Variants in FHIT observed in about 807,000 individuals in gnomAD.
FHIT encodes the protein bis(5'-adenosyl)-triphosphatase.
Under a neutral mutation model 17.9 loss-of-function variants are expected in FHIT, and 19 were observed. That is an observed-to-expected ratio of 1.06 (90% CI 0.74 to 1.56). The LOEUF is 1.56. Ranked by LOEUF, FHIT falls within the 40% of genes most tolerant of loss-of-function variation. The pLI, the probability that FHIT is intolerant of heterozygous loss-of-function variation, is 0.00. For missense variants in FHIT, 248 were observed against 189.2 expected (o/e 1.31, Z -1.82); for synonymous variants, 81 against 69.7 (o/e 1.16, Z -0.81).
In FHIT at chr3:60,601,664, G is replaced by A. The variant is rs937881857; in HGVS notation, c.-17-64685C>T. Among the ~76,000 whole-genome samples the A allele has an allele frequency of 4.6e-5, 7 of 152,238 alleles. No individual in the cohort carries two copies. The South Asian group carries it at 8.3e-4, about 18-fold the overall frequency. ...AAACTTACTACCTGAATGAGGAGAG[G>A]GTGGGGAATGGCAGAAAGAAAATAA... On this transcript the variant is annotated intron_variant, in intron 4 of 9. Coordinates refer to ENST00000492590, the MANE Select transcript of FHIT (RefSeq NM_002012.4).
chr3:60,696,343 A>G (rs2041114059), intron 4 of FHIT, among the ~76,000 whole-genome samples: 1 of 152,214 alleles, frequency 6.6e-6, no homozygotes, highest in Admixed American at 6.5e-5. Flanking sequence ...ACGACTTCCC[A>G]TACTTCTTCA....
intron 7 of FHIT, among the ~76,000 whole-genome samples, chr3:59,933,654 A>C (rs1345298604): frequency 6.6e-6 from 1 of 152,156 alleles, no homozygotes; most frequent in East Asian, 1.9e-4. Flanking sequence ...CATATGCCCC[A>C]GTCTGTTTGG....
At chr3:60,182,089 T>C (rs1701964447) in intron 5 of FHIT, among the ~76,000 whole-genome samples, 1 of 152,292 alleles carries the variant, frequency 6.6e-6, no homozygotes, top group East Asian at 1.9e-4. Flanking sequence ...TGAGATAACT[T>C]CTAGGCTGTT....
chr3:60,508,329 C>G (rs1224494395), intron 5 of FHIT, among the ~76,000 whole-genome samples: 2 of 152,110 alleles, frequency 1.3e-5, no homozygotes, highest in African/African-American at 2.4e-5. Context: ...AAGAAGGAAT[C>G]TAAGAAATAA....
chr3:60,402,646 G>A (rs931737588), intron 5 of FHIT, among the ~76,000 whole-genome samples: 1 of 152,138 alleles, frequency 6.6e-6, no homozygotes, highest in Non-Finnish European at 1.5e-5. Flanking sequence ...AATTATCTAA[G>A]TTTCAGAGCA....
At chr3:60,540,022 A>G (rs2036133916) in intron 4 of FHIT, among the ~76,000 whole-genome samples, 1 of 151,958 alleles carries the variant, frequency 6.6e-6, no homozygotes, top group African/African-American at 2.4e-5. Flanking sequence ...TAGGGCCAGA[A>G]CATTCAGCCC....
chr3:60,732,340 TG>T (rs1483645135), intron 4 of FHIT: 2 of 907,258 alleles, frequency 2.2e-6, no homozygotes, highest in Non-Finnish European at 3.7e-6. Context: ...GCATTTGCCA[TG>T]GGCAAGATGC....
intron 3 of FHIT, among the ~76,000 whole-genome samples, chr3:60,825,372 T>C (rs1447634828): frequency 6.6e-6 from 1 of 152,220 alleles, no homozygotes; most frequent in African/African-American, 2.4e-5. Context: ...ATTGGTTTTA[T>C]AGGCATCAGT....
Position 60,761,441 on chromosome 3 carries a change from T to C in FHIT, c.-18+60478A>G, listed in dbSNP as rs79743594. 5.6e-3 allele frequency among the ~76,000 whole-genome samples: 859 copies of C among 152,310 alleles called. 11 individuals are homozygous for C. Among genetic ancestry groups the C allele is most frequent in the African/African-American group, 0.019 (802 of 41,576 alleles). On this transcript the variant is annotated intron_variant, in intron 4 of 9. Coordinates refer to ENST00000492590, the MANE Select transcript of FHIT (RefSeq NM_002012.4). ...AGACACTGTTCTGGTCACATTTCAA[T>C]AATGTGACACATGGTTTCTATTTAC...
intron 7 of FHIT, among the ~76,000 whole-genome samples, chr3:59,939,505 G>GGAGGT (rs1160008669): frequency 6.6e-6 from 1 of 152,168 alleles, no homozygotes; most frequent in African/African-American, 2.4e-5. Flanking sequence ...TTGCGGCGCA[G>GGAGGT]GAGGTGAGGT....
At chr3:60,158,603 C>T (rs183406004) in intron 5 of FHIT, among the ~76,000 whole-genome samples, 7 of 152,164 alleles carry the variant, frequency 4.6e-5, no homozygotes, top group African/African-American at 1.7e-4. Flanking sequence ...TAAGCCACCG[C>T]GCCCGGCCTC....
chr3:60,222,625 C>G (rs1352739666), intron 5 of FHIT, among the ~76,000 whole-genome samples: 1 of 152,100 alleles, frequency 6.6e-6, no homozygotes, highest in East Asian at 1.9e-4. Context: ...CCCGTCTCTA[C>G]TAAAAATACA....
chr3:61,237,563 A>C (rs1210379465), intron 1 of FHIT, among the ~76,000 whole-genome samples: 2 of 152,240 alleles, frequency 1.3e-5, no homozygotes, highest in East Asian at 3.8e-4. Context: ...GGAAAGGTTT[A>C]GTTATGATTT....
chr3:60,115,358 G>A (rs1425054495), intron 5 of FHIT, among the ~76,000 whole-genome samples: 1 of 152,148 alleles, frequency 6.6e-6, no homozygotes, highest in East Asian at 1.9e-4. Flanking sequence ...TAAAGCATGA[G>A]TAGTTCACAG....
chr3:60,518,061 CA>C (rs543195929), intron 5 of FHIT, among the ~76,000 whole-genome samples: 1 of 151,548 alleles, frequency 6.6e-6, no homozygotes, highest in Non-Finnish European at 1.5e-5. Context: ...AAAACTCATT[CA>C]AAAAAAATCA....
chr3:60,539,739 A>C (rs1468727627), intron 4 of FHIT, among the ~76,000 whole-genome samples: 1 of 152,070 alleles, frequency 6.6e-6, no homozygotes, highest in South Asian at 2.1e-4. Flanking sequence ...GGAATTGAAC[A>C]ATGAGAACAC....
intron 8 of FHIT, among the ~76,000 whole-genome samples, chr3:59,781,537 A>C (rs1483795947): frequency 6.6e-6 from 1 of 152,240 alleles, no homozygotes; most frequent in African/African-American, 2.4e-5. Context: ...TGGTCCCTAA[A>C]TGATCACTTA....
At chr3:59,858,772 A>G (rs796354692) in intron 8 of FHIT, among the ~76,000 whole-genome samples, 27 of 152,238 alleles carry the variant, frequency 1.8e-4, no homozygotes, top group African/African-American at 5.5e-4. Flanking sequence ...ATATATATTA[A>G]GGATAATGGG....
intron 5 of FHIT, among the ~76,000 whole-genome samples, chr3:60,368,621 C>T (rs188454935): frequency 2.0e-5 from 3 of 152,024 alleles, no homozygotes; most frequent in South Asian, 2.1e-4. Context: ...CTGTAGCTTG[C>T]CTTTTTATTT....
Sources: allele counts gnomAD v4.1 joint callset (sites outside exome capture counted in the v4.1 genomes callset), GRCh38; gene constraint gnomAD v4.1.1; transcripts MANE v1.5; gene names NCBI Gene and HGNC (gene_info 2026-07-23, HGNC 2026-07-21).